Variants in ANGPTL5 observed in about 807,000 individuals in gnomAD.
The protein encoded by ANGPTL5 is angiopoietin-related protein 5.
ANGPTL5 carries 34 observed loss-of-function variants against 39.4 expected under a neutral mutation model. The observed-to-expected ratio is 0.86, with a 90% CI of 0.66 to 1.15. The LOEUF (loss-of-function observed/expected upper bound fraction) is 1.15, where lower values mean the gene tolerates loss of function less well. Ranked by LOEUF, ANGPTL5 falls within the 50% of genes most tolerant of loss-of-function variation. ANGPTL5 has a pLI of 0.00. For missense variants in ANGPTL5, 467 were observed against 457.5 expected (o/e 1.02, Z -0.19); for synonymous variants, 146 against 152.1 (o/e 0.96, Z 0.29).
chr11:101,901,119 C>A (rs1016188877), intron 6 of ANGPTL5, among the ~76,000 whole-genome samples: 3 of 151,234 alleles, frequency 2.0e-5, no homozygotes, highest in African/African-American at 7.3e-5. Flanking sequence ...CCTCGTGATC[C>A]TCCCGCCTCC....
intron 3 of ANGPTL5, among the ~76,000 whole-genome samples, chr11:101,906,257 A>G (rs1939995764): frequency 6.6e-6 from 1 of 152,128 alleles, no homozygotes; most frequent in South Asian, 2.1e-4. Flanking sequence ...TAAAAAGTAC[A>G]TCTTTGTTTT....
At chr11:101,896,268 C>T (rs545283142) in intron 7 of ANGPTL5, among the ~76,000 whole-genome samples, 1 of 151,470 alleles carries the variant, frequency 6.6e-6, no homozygotes, top group African/African-American at 2.4e-5. Context: ...CTGCAACTTC[C>T]GCCTCCCCCC....
chr11:101,911,595 T>C (rs1010904113), intron 1 of ANGPTL5, among the ~76,000 whole-genome samples: 1 of 152,126 alleles, frequency 6.6e-6, no homozygotes, highest in African/African-American at 2.4e-5. Flanking sequence ...CCCCTCTCTC[T>C]TTCAGTCCTG....
chr11:101,897,357 T>C (rs1939818221), intron 7 of ANGPTL5, among the ~76,000 whole-genome samples: 1 of 152,222 alleles, frequency 6.6e-6, no homozygotes, highest in Non-Finnish European at 1.5e-5. Context: ...CTCTTTAGTT[T>C]AATCAGATCC....
chr11:101,902,686 A>T lies in ANGPTL5; in HGVS notation c.475T>A (p.Ser159Thr), dbSNP rs1414212330. Residue 159 changes from serine (S) to threonine (T), a missense_variant, in exon 6 of 9, where the codon TCT (serine) becomes ACT (threonine). Ser to Thr is a moderately conservative substitution (Grantham distance 58). Transcript: ENST00000334289. ...AAACCACTCGGTGTTTTGGTGACAG[A>T]GCCAATGGTATCCTTAATATCAGTG... ...DCTDIKDTIG[S>T]VTKTPSGLYI... The T allele has an allele frequency of 6.2e-7, 1 of 1,611,620 alleles. No homozygotes were observed. The highest frequency in any genetic ancestry group is 2.2e-5 in the East Asian group (1 of 44,696).
chr11:101,907,019 A>G, intron 3 of ANGPTL5, 84 bp downstream of exon 3: 2 of 1,109,232 alleles, frequency 1.8e-6, no homozygotes, highest in Non-Finnish European at 1.3e-6. Context: ...TGACCCAGAC[A>G]AAAGCTAAAG....
intron 1 of ANGPTL5, chr11:101,915,126 T>C: frequency 8.9e-7 from 1 of 1,118,384 alleles, no homozygotes; most frequent in Non-Finnish European, 1.2e-6. Context: ...CCAGTGCCGC[T>C]GCGCGGGAGC....
intron 8 of ANGPTL5, 33 bp downstream of exon 8, chr11:101,894,846 T>C: frequency 3.2e-6 from 5 of 1,542,628 alleles, no homozygotes; most frequent in Non-Finnish European, 4.5e-6. Context: ...ATAATTTAGA[T>C]CTGGATAATT....
At chr11:101,893,543 T>G (rs895171914) in intron 8 of ANGPTL5, among the ~76,000 whole-genome samples, 1 of 152,226 alleles carries the variant, frequency 6.6e-6, no homozygotes, top group African/African-American at 2.4e-5. Context: ...GAGTACAGTA[T>G]GGCAAAATTT....
intron 1 of ANGPTL5, among the ~76,000 whole-genome samples, chr11:101,908,454 A>T (rs904759957): frequency 6.6e-6 from 1 of 152,188 alleles, no homozygotes; most frequent in Non-Finnish European, 1.5e-5. Context: ...TCCAGAGCAG[A>T]TAATTCAGAC....
chr11:101,915,219 G>A (rs1380153399), intron 1 of ANGPTL5: 3 of 1,599,816 alleles, frequency 1.9e-6, no homozygotes, highest in Non-Finnish European at 2.6e-6. Flanking sequence ...GCAGGAGGAG[G>A]AGGAAGCCGG....
At chr11:101,903,971 C>A (rs1326063330) in intron 5 of ANGPTL5, among the ~76,000 whole-genome samples, 1 of 152,070 alleles carries the variant, frequency 6.6e-6, no homozygotes, top group Non-Finnish European at 1.5e-5. Context: ...CTCACATCAA[C>A]TGTAAGAGGT....
chr11:101,912,779 T>C (rs1940112486), intron 1 of ANGPTL5, among the ~76,000 whole-genome samples: 1 of 152,076 alleles, frequency 6.6e-6, no homozygotes, highest in Non-Finnish European at 1.5e-5. Flanking sequence ...CCAGCCATAA[T>C]GGGATGGAAG....
intron 6 of ANGPTL5, 144 bp downstream of exon 6, chr11:101,902,477 G>A: frequency 1.4e-6 from 1 of 693,218 alleles, no homozygotes; most frequent in Non-Finnish European, 2.4e-6. Context: ...CCAAAATTTT[G>A]AAAGTAGAAC....
At chr11:101,899,655 A>G (rs1002932443) in intron 7 of ANGPTL5, among the ~76,000 whole-genome samples, 1 of 152,270 alleles carries the variant, frequency 6.6e-6, no homozygotes, top group Non-Finnish European at 1.5e-5. Flanking sequence ...TTACCTGGGT[A>G]TAAGCCAAAT....
At chr11:101,897,432 T>C (rs1230144352) in intron 7 of ANGPTL5, among the ~76,000 whole-genome samples, 2 of 152,226 alleles carry the variant, frequency 1.3e-5, no homozygotes, top group Non-Finnish European at 2.9e-5. Flanking sequence ...TCTTTGCCCA[T>C]GCCTATGTCC....
intron 7 of ANGPTL5, among the ~76,000 whole-genome samples, chr11:101,898,457 G>C: frequency 6.6e-6 from 1 of 151,962 alleles, no homozygotes; most frequent in East Asian, 1.9e-4. Context: ...TCTGTTATTG[G>C]TGTATAGGAA....
In ANGPTL5 at chr11:101,902,552, A is replaced by G. The variant is rs1455471454; in HGVS notation, c.540+69T>C. 3.5e-6 allele frequency: 4 copies of G among 1,151,892 alleles called. No homozygotes were observed. The African/African-American group carries it at 4.6e-5, about 13-fold the overall frequency. 71.4% of individuals were successfully genotyped at this position (1,151,892 alleles called of 1,614,324 possible). On this transcript the variant is annotated intron_variant, in intron 6 of 8. Coordinates refer to ENST00000334289, the MANE Select transcript of ANGPTL5 (RefSeq NM_178127.5). Reference sequence around the variant, plus strand: ...ATATTAAAACAATTTAAATTTTAACATAAATTAAATTGGTTGGATGTTTAT... The same window carrying G: ...ATATTAAAACAATTTAAATTTTAACGTAAATTAAATTGGTTGGATGTTTAT...
intron 5 of ANGPTL5, 91 bp downstream of exon 5, chr11:101,904,723 T>C (rs1939967701): frequency 8.4e-7 from 1 of 1,188,014 alleles, no homozygotes; most frequent in Non-Finnish European, 1.2e-6. Context: ...CTGTAGTTTT[T>C]AAATAAAACT....
Sources: gnomAD v4.1 joint callset for allele counts (sites outside exome capture counted in the v4.1 genomes callset) on GRCh38, gnomAD v4.1.1 for gene constraint, MANE v1.5 for transcripts, NCBI Gene and HGNC (gene_info 2026-07-23, HGNC 2026-07-21) for gene names.